The following MBNL2 variants were observed in gnomAD, a reference collection of about 807,000 sequenced individuals.
MBNL2 encodes the protein muscleblind-like protein 2.
A neutral mutation model predicts 41.9 loss-of-function variants in MBNL2; 17 were observed. The observed-to-expected ratio is 0.41, with a 90% CI of 0.28 to 0.61. The LOEUF (loss-of-function observed/expected upper bound fraction) is 0.61. MBNL2 is among the 20% of genes least tolerant of loss of function. The probability of loss-of-function intolerance (pLI) is 0.35; values close to 1 mark genes in which losing one functional copy is unlikely to be tolerated. For missense variants in MBNL2, 336 were observed against 505.6 expected (o/e 0.66, Z 3.22); for synonymous variants, 195 against 182.9 (o/e 1.07, Z -0.53).
chr13:97,221,792 A>G (rs908233502), upstream of MBNL2, among the ~76,000 whole-genome samples: 6 of 152,268 alleles, frequency 3.9e-5, no homozygotes, highest in Admixed American at 3.9e-4. Flanking sequence ...TGTGTGTGCC[A>G]GAGCTATAAG....
At chr13:97,233,169 ATATAT>A (rs1478675107) in intron 1 of MBNL2, among the ~76,000 whole-genome samples, 2 of 115,290 alleles carry the variant, frequency 1.7e-5, no homozygotes, top group South Asian at 2.8e-4. Context: ...ATATATATAT[ATATAT>A]ATCTTTTTAT....
chr13:97,284,343 G>A (rs1250181564), intron 2 of MBNL2, among the ~76,000 whole-genome samples: 1 of 152,108 alleles, frequency 6.6e-6, no homozygotes. Flanking sequence ...TTTTGGTAGC[G>A]CTGTGTGTTC....
chr13:97,303,801 T>A (rs1321427223), intron 2 of MBNL2, among the ~76,000 whole-genome samples: 1 of 152,232 alleles, frequency 6.6e-6, no homozygotes, highest in Non-Finnish European at 1.5e-5. Flanking sequence ...TAGAAGAAAG[T>A]GTAGGCTTTC....
At chr13:97,212,738 T>G in the MBNL2 span, among the ~76,000 whole-genome samples, 2 of 152,210 alleles carry the variant, frequency 1.3e-5, no homozygotes, top group Non-Finnish European at 2.9e-5. Context: ...ATAATCACTA[T>G]GTACATATTT....
At position 97,292,861 on chromosome 13, in the gene MBNL2, C is replaced by T. The variant is rs567833273; in HGVS notation, c.174+16452C>T. ...ATTTCACCAAGATTTTCAATTTTAT[C>T]ACTTAAAATTATTTTACTCTATCAG... On this transcript the variant is annotated intron_variant, in intron 2 of 8. Transcript: ENST00000679496. Among the ~76,000 whole-genome samples, 17 of 152,088 alleles carry T rather than the reference C, an allele frequency of 1.1e-4. No homozygotes were observed. In the South Asian group the frequency reaches 3.5e-3, roughly 32 times the overall value.
At chr13:97,167,355 G>A in the MBNL2 span, among the ~76,000 whole-genome samples, 8 of 149,854 alleles carry the variant, frequency 5.3e-5, no homozygotes, top group Middle Eastern at 3.2e-3. Context: ...CATCATCGTT[G>A]TCCAAACATG....
intron 2 of MBNL2, among the ~76,000 whole-genome samples, chr13:97,310,665 G>T (rs2058516894): frequency 6.6e-6 from 1 of 151,930 alleles, no homozygotes; most frequent in African/African-American, 2.4e-5. Flanking sequence ...TCCTGACCTT[G>T]TGATCCACCT....
the MBNL2 span, among the ~76,000 whole-genome samples, chr13:97,191,923 A>G: frequency 6.6e-6 from 1 of 152,196 alleles, no homozygotes; most frequent in East Asian, 1.9e-4. Context: ...TGCATCGAAC[A>G]TGCCTCTATA....
At chr13:97,164,265 C>T in the MBNL2 span, among the ~76,000 whole-genome samples, 3 of 152,344 alleles carry the variant, frequency 2.0e-5, no homozygotes, top group East Asian at 5.8e-4. Context: ...TCCTTGGTCT[C>T]CCAAACTGTT....
chr13:97,347,108 T>C (rs1010387515), intron 5 of MBNL2, 41 bp downstream of exon 5: 2 of 1,442,344 alleles, frequency 1.4e-6, no homozygotes, highest in African/African-American at 1.5e-5. Flanking sequence ...CCGGCGCCTC[T>C]GCGGAGGCCG....
At chr13:97,183,903 A>C in the MBNL2 span, among the ~76,000 whole-genome samples, 3 of 152,246 alleles carry the variant, frequency 2.0e-5, no homozygotes, top group African/African-American at 2.4e-5. Flanking sequence ...CAGGAATGAG[A>C]CATTTGGATA....
At chr13:97,213,260 T>C in the MBNL2 span, among the ~76,000 whole-genome samples, 1 of 152,208 alleles carries the variant, frequency 6.6e-6, no homozygotes, top group South Asian at 2.1e-4. Context: ...AGGGAAGTTC[T>C]GAATGTGAAG....
chr13:97,376,516 CTT>C (rs1326878608), intron 8 of MBNL2, among the ~76,000 whole-genome samples: 1 of 152,202 alleles, frequency 6.6e-6, no homozygotes, highest in Non-Finnish European at 1.5e-5. Flanking sequence ...CTTTTGGTCT[CTT>C]TGTTTTACTT....
chr13:97,309,952 T>C (rs1029112616), intron 2 of MBNL2, among the ~76,000 whole-genome samples: 1 of 152,192 alleles, frequency 6.6e-6, no homozygotes, highest in Non-Finnish European at 1.5e-5. Context: ...GGACTATCTG[T>C]AATGGAGTAT....
At chr13:97,148,443 A>G in the MBNL2 span, among the ~76,000 whole-genome samples, 1 of 152,172 alleles carries the variant, frequency 6.6e-6, no homozygotes, top group African/African-American at 2.4e-5. Flanking sequence ...GTTAGCCTTT[A>G]TGTAAACGAT....
intron 2 of MBNL2, among the ~76,000 whole-genome samples, chr13:97,303,144 G>A (rs2057794384): frequency 6.6e-6 from 1 of 152,184 alleles, no homozygotes; most frequent in Admixed American, 6.5e-5. Context: ...CCAGAAACAG[G>A]GAAATCGTGT....
At chr13:97,160,017 A>G in the MBNL2 span, among the ~76,000 whole-genome samples, 1 of 152,006 alleles carries the variant, frequency 6.6e-6, no homozygotes, top group Non-Finnish European at 1.5e-5. Context: ...CATTCTCCCC[A>G]TCACTTTCAG....
At chr13:97,229,990 A>G (rs2042163729) in intron 1 of MBNL2, among the ~76,000 whole-genome samples, 1 of 152,200 alleles carries the variant, frequency 6.6e-6, no homozygotes, top group Non-Finnish European at 1.5e-5. Context: ...AATAGAACGC[A>G]GTGAGAGCTT....
chr13:97,385,948 T>A (rs2065888258), intron 8 of MBNL2, among the ~76,000 whole-genome samples: 1 of 152,236 alleles, frequency 6.6e-6, no homozygotes, highest in Admixed American at 6.5e-5. Context: ...CAGCTCTTTT[T>A]TGAGCGCACA....
Sources: gnomAD v4.1 joint callset for allele counts (sites outside exome capture counted in the v4.1 genomes callset) on GRCh38, gnomAD v4.1.1 for gene constraint, MANE v1.5 for transcripts, NCBI Gene and HGNC (gene_info 2026-07-23, HGNC 2026-07-21) for gene names.